DNAH9: variants seen among roughly 807,000 people sequenced by gnomAD.
The protein encoded by DNAH9 is dynein axonemal heavy chain 9.
DNAH9 carries 345 observed loss-of-function variants against 471.6 expected under a neutral mutation model. The observed-to-expected ratio is 0.73, with a 90% CI of 0.67 to 0.80. The LOEUF (loss-of-function observed/expected upper bound fraction) is 0.80. Among genes scored for constraint, DNAH9 ranks in the 30% least tolerant of loss-of-function variants. The probability of loss-of-function intolerance (pLI) is 0.00; values close to 1 mark genes in which losing one functional copy is unlikely to be tolerated. For synonymous variants in DNAH9, 2,093 were observed against 2,123.6 expected (o/e 0.99, Z 0.40); for missense variants, 5,407 against 5,609.2 (o/e 0.96, Z 1.15).
In DNAH9 at chr17:11,598,525, G is replaced by T. The variant is rs755465095; in HGVS notation, c.27G>T (p.Ala9=). The change falls in exon 1 of 69, where the codon GCG becomes GCT. Residue 9 remains alanine (A), a synonymous_variant. Transcript: ENST00000262442. MRLAEERA[A]LAAENADGEP... ...TGCGGCTCGCGGAGGAGCGGGCCGC[G>T]CTCGCGGCGGAGAACGCGGATGGGG... The T allele has an allele frequency of 2.9e-6, 4 of 1,394,368 alleles. No individual in the cohort carries two copies. Among genetic ancestry groups the T allele is most frequent in the Non-Finnish European group, 3.7e-6 (4 of 1,083,098 alleles). The allele number at this position is 1,394,368 out of a possible 1,614,324, so 86.4% of individuals were successfully genotyped here.
At chr17:11,675,228 A>G (rs1312858331) in intron 17 of DNAH9, among the ~76,000 whole-genome samples, 1 of 152,024 alleles carries the variant, frequency 6.6e-6, no homozygotes, top group East Asian at 1.9e-4. Context: ...CGTAGTATAA[A>G]TAATATTTTA....
chr17:11,615,221 G>A (rs2072717284), intron 4 of DNAH9, among the ~76,000 whole-genome samples: 1 of 152,218 alleles, frequency 6.6e-6, no homozygotes, highest in Non-Finnish European at 1.5e-5. Flanking sequence ...AGAGCCTGTT[G>A]TTAAAGACTT....
intron 45 of DNAH9, among the ~76,000 whole-genome samples, chr17:11,821,644 A>C (rs1227909718): frequency 6.6e-6 from 1 of 152,182 alleles, no homozygotes; most frequent in Non-Finnish European, 1.5e-5. Context: ...AAATGCTTTG[A>C]GCAAAAGAAA....
chr17:11,897,573 C>A (rs141415103), intron 59 of DNAH9, among the ~76,000 whole-genome samples: 1 of 152,108 alleles, frequency 6.6e-6, no homozygotes, highest in Non-Finnish European at 1.5e-5. Flanking sequence ...TTCTGTAAAG[C>A]GGTTCTGAAT....
chr17:11,893,151 C>T (rs758439078), intron 58 of DNAH9, among the ~76,000 whole-genome samples: 5 of 147,436 alleles, frequency 3.4e-5, no homozygotes, highest in Non-Finnish European at 7.4e-5. Context: ...ATTCCCCACT[C>T]CAGCCCAGAT....
chr17:11,850,575 C>A (rs879801839), intron 49 of DNAH9, among the ~76,000 whole-genome samples: 1 of 150,034 alleles, frequency 6.7e-6, no homozygotes, highest in African/African-American at 2.5e-5. Flanking sequence ...CGCCTGAACC[C>A]GGGAGGTGGA....
intron 49 of DNAH9, among the ~76,000 whole-genome samples, chr17:11,842,239 A>G (rs994072028): frequency 6.6e-6 from 1 of 152,338 alleles, no homozygotes; most frequent in African/African-American, 2.4e-5. Context: ...GTGGTGTAAG[A>G]TATCAACGTG....
At chr17:11,696,766 A>C (rs1014424385) in intron 22 of DNAH9, among the ~76,000 whole-genome samples, 1 of 152,202 alleles carries the variant, frequency 6.6e-6, no homozygotes, top group African/African-American at 2.4e-5. Context: ...GTGGTGTTGA[A>C]ATATTTATTA....
At chr17:11,652,517 C>A (rs544713249) in intron 13 of DNAH9, among the ~76,000 whole-genome samples, 60 of 152,066 alleles carry the variant, frequency 3.9e-4, no homozygotes, top group African/African-American at 1.4e-3. Context: ...GATCTCCTGA[C>A]CTCGTGATCC....
chr17:11,723,690 T>G (rs1567750387), intron 27 of DNAH9, among the ~76,000 whole-genome samples: 1 of 152,060 alleles, frequency 6.6e-6, no homozygotes, highest in African/African-American at 2.4e-5. Context: ...TTTTTTGAGA[T>G]GGAGTCTCGC....
In DNAH9 at chr17:11,698,197, A is replaced by T. The variant is rs865920506; in HGVS notation, c.4873-1534A>T. On this transcript the variant is annotated intron_variant, in intron 22 of 68. Transcript: ENST00000262442. ...TAATATATTATTATATTAATATAAT[A>T]ATATATTAATAATATAATTATATTA... is the stretch of plus-strand genomic sequence containing the variant. Among the ~76,000 whole-genome samples, 43 of 117,956 alleles carry T rather than the reference A, an allele frequency of 3.6e-4. 2 individuals carry two copies. In the South Asian group the frequency reaches 9.3e-3, roughly 26 times the overall value. The allele number at this position is 117,956 out of a possible 152,430, so 77.4% of individuals were successfully genotyped here.
At position 11,629,479 on chromosome 17, in the gene DNAH9, A is replaced by G. The variant is rs148518864; in HGVS notation, c.1413A>G (p.Arg471=). ...GAAAGGTGGAGTTCAGCGGCGTCAG[A>G]GGGAATGCTCTGAGTCAGCAGGTCC... is the stretch of plus-strand genomic sequence containing the variant. The part of the protein sequence containing the change: ...KLGKVEFSGV[R]GNALSQQVQQ... The change falls in exon 7 of 69, where the codon AGA becomes AGG. Residue 471 remains arginine, a synonymous_variant. Coordinates refer to ENST00000262442, the MANE Select transcript of DNAH9 (RefSeq NM_001372.4). 1,031 of 1,614,136 alleles carry G rather than the reference A, an allele frequency of 6.4e-4. No individual in the cohort carries two copies. The highest frequency in any genetic ancestry group is 8.4e-4 in the Non-Finnish European group (986 of 1,180,006).
chr17:11,754,063 A>G (rs975781199), intron 33 of DNAH9, among the ~76,000 whole-genome samples: 3 of 152,012 alleles, frequency 2.0e-5, no homozygotes. Flanking sequence ...AAATGAGAAC[A>G]TGTAGCATTT....
chr17:11,651,608 G>T (rs1044723580), intron 13 of DNAH9, among the ~76,000 whole-genome samples: 5 of 152,156 alleles, frequency 3.3e-5, no homozygotes, highest in Admixed American at 1.3e-4. Flanking sequence ...TATATTGGGT[G>T]CTCCATGAGT....
At chr17:11,749,548 T>C (rs1246167716) in intron 32 of DNAH9, among the ~76,000 whole-genome samples, 1 of 151,994 alleles carries the variant, frequency 6.6e-6, no homozygotes, top group Non-Finnish European at 1.5e-5. Flanking sequence ...GGGATTTCTA[T>C]TAGTTTATAA....
At chr17:11,712,084 TTG>T (rs1327690957) in intron 26 of DNAH9, among the ~76,000 whole-genome samples, 2 of 2,546 alleles carry the variant, frequency 7.9e-4, no homozygotes, top group Admixed American at 7.9e-3. Flanking sequence ...ATAAATATAT[TTG>T]TATATATATT....
rs146288063 is a variant in DNAH9 at position 11,699,871 on chromosome 17, C to G, written c.5013C>G (p.Asp1671Glu). 6.2e-7 allele frequency: 1 copy of G among 1,614,040 alleles called. No individual in the cohort carries two copies. Among genetic ancestry groups the G allele is most frequent in the Non-Finnish European group, 8.5e-7 (1 of 1,180,000 alleles). The change falls in exon 23 of 69, where the codon GAC (aspartate) becomes GAG (glutamate). Residue 1671 changes from aspartate (D) to glutamate (E), a missense_variant. Transcript: ENST00000262442. Reference protein sequence around the residue: ...EEYVAFSEPCDCSGQVEIWLN... With the variant: ...EEYVAFSEPCECSGQVEIWLN... ...ATGTGGCTTTCAGTGAGCCCTGTGA[C>G]TGCAGCGGGCAGGTAACACAGTAGC...
At chr17:11,720,012 C>G (rs572959697) in intron 27 of DNAH9, among the ~76,000 whole-genome samples, 1 of 152,040 alleles carries the variant, frequency 6.6e-6, no homozygotes, top group Non-Finnish European at 1.5e-5. Context: ...TAATCAACCC[C>G]GACTCAGAGC....
chr17:11,733,254 A>T (rs2150823232), intron 28 of DNAH9, among the ~76,000 whole-genome samples: 1 of 152,314 alleles, frequency 6.6e-6, no homozygotes, highest in South Asian at 2.1e-4. Context: ...GGGCCAAGGT[A>T]GAGGGGTGAC....
Sources: gnomAD v4.1 joint callset for allele counts (sites outside exome capture counted in the v4.1 genomes callset) on GRCh38, gnomAD v4.1.1 for gene constraint, MANE v1.5 for transcripts, NCBI Gene and HGNC (gene_info 2026-07-23, HGNC 2026-07-21) for gene names.